MACROD2: variants seen among roughly 807,000 people sequenced by gnomAD.
MACROD2 encodes the protein ADP-ribose glycohydrolase MACROD2.
Under a neutral mutation model 70.4 loss-of-function variants are expected in MACROD2, and 36 were observed. That is an observed-to-expected ratio of 0.51 (90% CI 0.39 to 0.68). MACROD2 has a LOEUF of 0.68. Among genes scored for constraint, MACROD2 ranks in the 30% least tolerant of loss-of-function variants. The pLI, the probability that MACROD2 is intolerant of heterozygous loss-of-function variation, is 0.00. For missense variants in MACROD2, 496 were observed against 538.4 expected, an observed-to-expected ratio of 0.92 and a Z score of 0.78; for synonymous variants, 172 against 178.8, an observed-to-expected ratio of 0.96 and a Z score of 0.30.
intron 8 of MACROD2, among the ~76,000 whole-genome samples, chr20:15,586,403 G>A (rs2048602233): frequency 6.6e-6 from 1 of 152,212 alleles, no homozygotes; most frequent in African/African-American, 2.4e-5. Context: ...CTTGGTGTTT[G>A]CATCTGAGAT....
At chr20:14,270,934 G>T (rs1244771489) in intron 3 of MACROD2, among the ~76,000 whole-genome samples, 1 of 152,244 alleles carries the variant, frequency 6.6e-6, no homozygotes, top group Admixed American at 6.5e-5. Context: ...CAGCGAGGCT[G>T]GGGGAGGAGC....
chr20:14,070,216 T>C lies in MACROD2; in HGVS notation c.164-15405T>C, dbSNP rs115920459. Among the ~76,000 whole-genome samples the C allele has an allele frequency of 7.6e-3, 1,153 of 152,328 alleles. 16 individuals are homozygous for C. Among genetic ancestry groups the C allele is most frequent in the African/African-American group, 0.025 (1,060 of 41,574 alleles). ...TGTAAACCTCCAGCACACTAGCTAC[T>C]ATTAATTAGCCTACGAGAGAGAATC... On this transcript the variant is annotated intron_variant, in intron 2 of 17. Transcript: ENST00000684519.
chr20:15,631,156 T>A (rs2049284826), intron 8 of MACROD2, among the ~76,000 whole-genome samples: 1 of 152,192 alleles, frequency 6.6e-6, no homozygotes, highest in Non-Finnish European at 1.5e-5. Flanking sequence ...AGCAAAGACA[T>A]CTTCATCCAC....
Position 14,215,331 on chromosome 20 carries a change from CATAT to C in MACROD2, c.271+129607_271+129610del, listed in dbSNP as rs59557340. Among the ~76,000 whole-genome samples, 244 of 114,264 alleles carry C rather than the reference CATAT, an allele frequency of 2.1e-3. 1 individual carries two copies. Among genetic ancestry groups the C allele is most frequent in the African/African-American group, 6.4e-3 (207 of 32,584 alleles). The allele number at this position is 114,264 out of a possible 152,430, so 75.0% of individuals were successfully genotyped here. A position where few individuals can be genotyped will look rare whatever the true frequency, so the allele number is the denominator to read the frequency against. On this transcript the variant is annotated intron_variant, in intron 3 of 17. Transcript: ENST00000684519. ...GTTCCATCATATATATCTATGCCAT[CATAT>C]ATACACACACACACACACACACACA...
At chr20:15,300,652 A>T (rs1568704163) in intron 6 of MACROD2, among the ~76,000 whole-genome samples, 1 of 152,174 alleles carries the variant, frequency 6.6e-6, no homozygotes, top group Admixed American at 6.5e-5. Flanking sequence ...ATTTTATTAA[A>T]TTCCACTTTT....
intron 3 of MACROD2, among the ~76,000 whole-genome samples, chr20:14,399,072 T>A (rs1023665678): frequency 3.3e-5 from 5 of 150,284 alleles, no homozygotes; most frequent in African/African-American, 1.2e-4. Context: ...CAGGCTGGAG[T>A]GCAGTGGCAC....
chr20:15,039,155 T>C (rs763909599), intron 5 of MACROD2, among the ~76,000 whole-genome samples: 2 of 152,172 alleles, frequency 1.3e-5, no homozygotes, highest in Non-Finnish European at 2.9e-5. Flanking sequence ...GTTTTTTTAA[T>C]GCTTAGGACT....
chr20:15,235,161 G>C (rs959374881), intron 6 of MACROD2, among the ~76,000 whole-genome samples: 1 of 152,136 alleles, frequency 6.6e-6, no homozygotes, highest in African/African-American at 2.4e-5. Flanking sequence ...ACGTGTAATA[G>C]AGTAGATGTT....
intron 5 of MACROD2, among the ~76,000 whole-genome samples, chr20:15,078,359 A>G (rs111892906): frequency 2.2e-4 from 33 of 152,196 alleles, no homozygotes; most frequent in African/African-American, 7.7e-4. Context: ...AGGCTACCCA[A>G]TTTTTCTCAC....
intron 3 of MACROD2, among the ~76,000 whole-genome samples, chr20:14,133,165 A>G (rs1285385156): frequency 6.6e-6 from 1 of 152,190 alleles, no homozygotes; most frequent in African/African-American, 2.4e-5. Flanking sequence ...ACCCTGAATA[A>G]TGTTTGCCCA....
At chr20:15,735,686 C>T (rs906812456) in intron 8 of MACROD2, among the ~76,000 whole-genome samples, 4 of 152,192 alleles carry the variant, frequency 2.6e-5, no homozygotes, top group African/African-American at 9.6e-5. Flanking sequence ...CAAAGAATTG[C>T]AGTGCATGTT....
chr20:14,821,119 T>C (rs757323381), intron 5 of MACROD2, among the ~76,000 whole-genome samples: 8 of 152,140 alleles, frequency 5.3e-5, no homozygotes, highest in Non-Finnish European at 7.4e-5. Flanking sequence ...TAGATGCCTT[T>C]CATATGAAAT....
intron 6 of MACROD2, among the ~76,000 whole-genome samples, chr20:15,288,004 T>G (rs912544749): frequency 3.5e-4 from 54 of 152,324 alleles, no homozygotes; most frequent in African/African-American, 1.3e-3. Context: ...TATAGAGAGA[T>G]AGTGATATAG....
chr20:14,441,444 G>A (rs1299336722), intron 3 of MACROD2, among the ~76,000 whole-genome samples: 1 of 152,174 alleles, frequency 6.6e-6, no homozygotes, highest in Non-Finnish European at 1.5e-5. Context: ...ACATTTTGTG[G>A]TAGTTTGTTA....
rs191026699 is a variant in MACROD2 at position 15,097,570 on chromosome 20, A to T, written c.419-132370A>T. On this transcript the variant is annotated intron_variant, in intron 5 of 17. Transcript: ENST00000684519. ...TAAAGTACCGTAAGAGTAATGTCCA[A>T]ATAAAATGTCATAAGTGAACAATAC... is the stretch of plus-strand genomic sequence containing the variant. Among the ~76,000 whole-genome samples the T allele has an allele frequency of 2.5e-3, 381 of 152,320 alleles. 2 individuals are homozygous for T. Among genetic ancestry groups the T allele is most frequent in the Middle Eastern group, 0.01 (3 of 294 alleles).
intron 12 of MACROD2, among the ~76,000 whole-genome samples, chr20:15,961,605 C>T (rs1423491521): frequency 1.3e-5 from 2 of 152,164 alleles, no homozygotes; most frequent in Admixed American, 6.5e-5. Context: ...GCCAGGCTGT[C>T]GGTTCAGAGC....
At chr20:15,084,077 T>TG (rs2075727932) in intron 5 of MACROD2, among the ~76,000 whole-genome samples, 2 of 145,790 alleles carry the variant, frequency 1.4e-5, no homozygotes, top group East Asian at 2.0e-4. Flanking sequence ...TTTTTGTTTT[T>TG]TTTTTTTAAT....
intron 10 of MACROD2, among the ~76,000 whole-genome samples, chr20:15,898,988 A>G (rs74415721): frequency 0.011 from 1,647 of 151,888 alleles, 29 homozygotes; most frequent in African/African-American, 0.038. Context: ...GTGTGCATAT[A>G]TATATGTGTG....
chr20:14,164,198 T>C (rs1330210482), intron 3 of MACROD2, among the ~76,000 whole-genome samples: 1 of 152,148 alleles, frequency 6.6e-6, no homozygotes, highest in Non-Finnish European at 1.5e-5. Flanking sequence ...TTCTATGTAA[T>C]TTCTTTGGCG....
Sources: gnomAD v4.1 joint callset for allele counts (sites outside exome capture counted in the v4.1 genomes callset) on GRCh38, gnomAD v4.1.1 for gene constraint, MANE v1.5 for transcripts, NCBI Gene and HGNC (gene_info 2026-07-23, HGNC 2026-07-21) for gene names.